The following UNC79 variants were observed in gnomAD, a reference collection of about 807,000 sequenced individuals.
The protein encoded by UNC79 is unc-79 subunit of NALCN channel complex, also known as protein unc-79 homolog.
Under a neutral mutation model 283.1 loss-of-function variants are expected in UNC79, and 37 were observed. The ratio of observed to expected loss-of-function variants is 0.13; its 90% CI spans 0.10 to 0.17. The LOEUF (loss-of-function observed/expected upper bound fraction) is 0.17, where lower values mean the gene tolerates loss of function less well. UNC79 is among the 10% of genes least tolerant of loss of function. The pLI is 1.00. For synonymous variants in UNC79, 1,107 were observed against 1,200.2 expected (o/e 0.92, Z 1.61); for missense variants, 2,272 against 3,211.1 (o/e 0.71, Z 7.07).
intron 40 of UNC79, among the ~76,000 whole-genome samples, chr14:93,666,878 G>T (rs1156661833): frequency 1.3e-5 from 2 of 152,004 alleles, no homozygotes; most frequent in Admixed American, 1.3e-4. Context: ...GATAATAGCA[G>T]AAATTAATGA....
intron 1 of UNC79, among the ~76,000 whole-genome samples, chr14:93,389,082 T>C (rs538335370): frequency 6.6e-6 from 1 of 152,140 alleles, no homozygotes. Flanking sequence ...TGTTTTGAGT[T>C]ATGAGATTAT....
At chr14:93,347,626 CCT>C (rs1224973045) in intron 1 of UNC79, among the ~76,000 whole-genome samples, 7 of 151,986 alleles carry the variant, frequency 4.6e-5, no homozygotes, top group Non-Finnish European at 1.0e-4. Flanking sequence ...AGCCCGGGAC[CCT>C]GAGGAACGCG....
intron 1 of UNC79, among the ~76,000 whole-genome samples, chr14:93,341,038 G>C (rs1415271939): frequency 6.6e-6 from 1 of 152,162 alleles, no homozygotes; most frequent in Non-Finnish European, 1.5e-5. Flanking sequence ...TGATAGTGCT[G>C]GAATTTGACC....
chr14:93,522,821 T>G (rs1309809740), intron 7 of UNC79, among the ~76,000 whole-genome samples: 1 of 152,158 alleles, frequency 6.6e-6, no homozygotes, highest in African/African-American at 2.4e-5. Flanking sequence ...TCAGTCGTTC[T>G]GGTAACTATA....
intron 41 of UNC79, among the ~76,000 whole-genome samples, chr14:93,678,919 A>G (rs1450045494): frequency 1.3e-5 from 2 of 152,268 alleles, no homozygotes; most frequent in East Asian, 3.8e-4. Context: ...TCCCCAGGGC[A>G]TAGTTCTCCT....
chr14:93,605,088 C>T, intron 26 of UNC79, 127 bp downstream of exon 27: 3 of 927,418 alleles, frequency 3.2e-6, no homozygotes, highest in South Asian at 2.9e-5. Flanking sequence ...AAGGGTCTTA[C>T]CCCAGATGTT....
intron 1 of UNC79, among the ~76,000 whole-genome samples, chr14:93,355,563 C>T (rs2054069754): frequency 1.3e-5 from 2 of 152,148 alleles, no homozygotes; most frequent in African/African-American, 4.8e-5. Flanking sequence ...GACCTCCTGA[C>T]CTCCAGTGAT....
At chr14:93,388,938 A>G (rs548435597) in intron 1 of UNC79, among the ~76,000 whole-genome samples, 2 of 152,336 alleles carry the variant, frequency 1.3e-5, no homozygotes, top group Non-Finnish European at 2.9e-5. Flanking sequence ...AAGATTCACC[A>G]GCTAATAGTC....
chr14:93,524,088 A>C, intron 8 of UNC79, 46 bp downstream of exon 8: 1 of 1,602,852 alleles, frequency 6.2e-7, no homozygotes, highest in Non-Finnish European at 8.5e-7. Context: ...GTCAGTGGTC[A>C]AATTGCTGAA....
chr14:93,422,643 C>T (rs143578836), intron 1 of UNC79, among the ~76,000 whole-genome samples: 6 of 151,998 alleles, frequency 3.9e-5, no homozygotes, highest in Non-Finnish European at 8.8e-5. Flanking sequence ...AAGGAACATA[C>T]CTCGATATAA....
At chr14:93,359,283 A>G (rs1020235222) in intron 1 of UNC79, among the ~76,000 whole-genome samples, 23 of 152,196 alleles carry the variant, frequency 1.5e-4, no homozygotes, top group African/African-American at 5.6e-4. Flanking sequence ...GGTATGGTGG[A>G]GAGGATTAGT....
intron 1 of UNC79, among the ~76,000 whole-genome samples, chr14:93,449,704 C>T (rs1264327453): frequency 6.6e-6 from 1 of 151,830 alleles, no homozygotes; most frequent in Non-Finnish European, 1.5e-5. Context: ...GTGTTTTTCT[C>T]ATGCGACTGG....
At chr14:93,528,746 C>T in intron 9 of UNC79, 100 bp downstream of exon 9, 1 of 1,097,348 alleles carries the variant, frequency 9.1e-7, no homozygotes, top group African/African-American at 1.6e-5. Context: ...AAGTTTCTCT[C>T]TAGCCTCTCT....
At chr14:93,537,379 C>T (rs991177852) in intron 11 of UNC79, among the ~76,000 whole-genome samples, 2 of 152,244 alleles carry the variant, frequency 1.3e-5, no homozygotes, top group African/African-American at 4.8e-5. Context: ...GTGTATGTCC[C>T]TGTGGTCTTC....
chr14:93,394,979 T>C (rs879581717), intron 1 of UNC79, among the ~76,000 whole-genome samples: 24 of 152,310 alleles, frequency 1.6e-4, no homozygotes, highest in Admixed American at 2.0e-4. Context: ...TCCCAAAGCA[T>C]TGGGCTTACA....
At chr14:93,347,297 C>CCCGCCGCCACTA in intron 1 of UNC79, 2 of 1,605,302 alleles carry the variant, frequency 1.2e-6, no homozygotes, top group Non-Finnish European at 8.5e-7. Flanking sequence ...CGCTGTCCTG[C>CCCGCCGCCACTA]CCGCCGCCAC....
chr14:93,628,153 G>A (rs778090822), intron 30 of UNC79, among the ~76,000 whole-genome samples: 6 of 152,140 alleles, frequency 3.9e-5, no homozygotes, highest in South Asian at 4.1e-4. Flanking sequence ...CCAGTGACTC[G>A]CTATTTCTTT....
chr14:93,660,563 A>ATATG (rs1203621990), intron 39 of UNC79, among the ~76,000 whole-genome samples: 97 of 64,724 alleles, frequency 1.5e-3, no homozygotes, highest in East Asian at 4.4e-3. Context: ...ATATATATAT[A>ATATG]TGTGTGTGTG....
chr14:93,523,056 T>C (rs1023298427), intron 7 of UNC79, among the ~76,000 whole-genome samples: 1 of 152,178 alleles, frequency 6.6e-6, no homozygotes, highest in Non-Finnish European at 1.5e-5. Context: ...TAGGCCAACA[T>C]AGTCCTGTGA....
Sources: gnomAD v4.1 joint callset for allele counts (sites outside exome capture counted in the v4.1 genomes callset) on GRCh38, gnomAD v4.1.1 for gene constraint, MANE v1.5 for transcripts, NCBI Gene and HGNC (gene_info 2026-07-23, HGNC 2026-07-21) for gene names.